KCNMA1: variants seen among roughly 807,000 people sequenced by gnomAD.
KCNMA1 encodes the protein Calcium-activated potassium channel subunit alpha-1.
A neutral mutation model predicts 140.0 loss-of-function variants in KCNMA1; 29 were observed. The ratio of observed to expected loss-of-function variants is 0.21; its 90% CI spans 0.15 to 0.28. The LOEUF is 0.28. Ranked by LOEUF, KCNMA1 falls within the 10% of genes least tolerant of loss-of-function variation. The pLI is 1.00. For synonymous variants in KCNMA1, 612 were observed against 611.9 expected, an observed-to-expected ratio of 1.00 and a Z score of 0.00; for missense variants, 880 against 1,602.2, an observed-to-expected ratio of 0.55 and a Z score of 7.70.
chr10:77,248,645 C>T (rs139954722), intron 3 of KCNMA1, among the ~76,000 whole-genome samples: 6 of 152,258 alleles, frequency 3.9e-5, no homozygotes, highest in Admixed American at 3.9e-4. Flanking sequence ...GAATGAAAGA[C>T]ATGGATTTTA....
intron 3 of KCNMA1, among the ~76,000 whole-genome samples, chr10:77,225,406 C>G (rs116179697): frequency 0.014 from 2,128 of 152,222 alleles, 46 homozygotes; most frequent in African/African-American, 0.048. Flanking sequence ...AAACATGACT[C>G]ATCTTTCTCC....
At chr10:77,402,208 A>G (rs572642185) in intron 2 of KCNMA1, among the ~76,000 whole-genome samples, 2 of 152,050 alleles carry the variant, frequency 1.3e-5, no homozygotes, top group East Asian at 3.9e-4. Context: ...TGCAGAATCC[A>G]CTCCTCTTCA....
chr10:77,268,514 T>C (rs1232468038), intron 2 of KCNMA1, among the ~76,000 whole-genome samples: 2 of 152,132 alleles, frequency 1.3e-5, no homozygotes, highest in East Asian at 1.9e-4. Flanking sequence ...TCTACTGTGA[T>C]TGAGTTACTG....
intron 1 of KCNMA1, among the ~76,000 whole-genome samples, chr10:77,485,415 C>G (rs1012387958): frequency 6.6e-6 from 1 of 152,180 alleles, no homozygotes; most frequent in African/African-American, 2.4e-5. Flanking sequence ...AATTTGGCAA[C>G]CACCCCCTGC....
chr10:77,632,347 T>G (rs908376793), intron 1 of KCNMA1, among the ~76,000 whole-genome samples: 10 of 152,232 alleles, frequency 6.6e-5, no homozygotes, highest in African/African-American at 2.4e-4. Context: ...GGGAGACAGG[T>G]CTATGAGTTC....
intron 5 of KCNMA1, among the ~76,000 whole-genome samples, chr10:77,134,478 TA>T (rs1225173003): frequency 1.3e-5 from 2 of 151,676 alleles, no homozygotes; most frequent in South Asian, 4.2e-4. Context: ...TTGGTTCAAA[TA>T]AAAAAAATGT....
intron 24 of KCNMA1, chr10:76,914,565 G>A: frequency 2.9e-6 from 1 of 348,768 alleles, no homozygotes; most frequent in Admixed American, 4.3e-5. Context: ...TGTAGGAGCT[G>A]TCCAGACAGA....
At chr10:77,548,346 A>G (rs1255917007) in intron 1 of KCNMA1, among the ~76,000 whole-genome samples, 1 of 152,230 alleles carries the variant, frequency 6.6e-6, no homozygotes, top group Non-Finnish European at 1.5e-5. Flanking sequence ...CCTAACGTGG[A>G]CAACGCCTGG....
intron 1 of KCNMA1, among the ~76,000 whole-genome samples, chr10:77,470,672 G>C (rs560032279): frequency 1.3e-5 from 2 of 152,186 alleles, no homozygotes; most frequent in Admixed American, 1.3e-4. Context: ...CATACTGAAC[G>C]AGTAATTTAA....
intron 25 of KCNMA1, among the ~76,000 whole-genome samples, chr10:76,893,644 G>C (rs1288374167): frequency 6.6e-6 from 1 of 152,164 alleles, no homozygotes; most frequent in African/African-American, 2.4e-5. Context: ...GGAGGCTGAG[G>C]CCAGAGAATT....
chr10:77,506,793 GA>G (rs1299323261), intron 1 of KCNMA1, among the ~76,000 whole-genome samples: 3 of 147,066 alleles, frequency 2.0e-5, no homozygotes, highest in Non-Finnish European at 3.0e-5. Context: ...TATGAAGAAA[GA>G]GAGAGAAAGA....
At chr10:77,246,336 G>A (rs2058539054) in intron 3 of KCNMA1, among the ~76,000 whole-genome samples, 2 of 152,206 alleles carry the variant, frequency 1.3e-5, no homozygotes, top group South Asian at 2.1e-4. Context: ...GAAGTTGTTA[G>A]GGGAATTCAA....
At chr10:77,485,539 T>A (rs933710309) in intron 1 of KCNMA1, among the ~76,000 whole-genome samples, 1 of 152,218 alleles carries the variant, frequency 6.6e-6, no homozygotes, top group Non-Finnish European at 1.5e-5. Context: ...CCTCCAAGAC[T>A]TGCCCAGCAC....
intron 2 of KCNMA1, among the ~76,000 whole-genome samples, chr10:77,349,892 C>T (rs1394068144): frequency 6.6e-6 from 1 of 151,454 alleles, no homozygotes; most frequent in Non-Finnish European, 1.5e-5. Flanking sequence ...TTTATATGCC[C>T]ATTTCTTCTT....
Position 76,992,167 on chromosome 10 carries a change from T to A in KCNMA1, c.2266+9240A>T, listed in dbSNP as rs149091643. ...AGGCTGGGGGAGTTTTTTCTTGCTG[T>A]TTCCCTTGAATATGAGAGATTAGCT... On this transcript the variant is annotated intron_variant, in intron 19 of 27. Transcript: ENST00000286628. 3.2e-4 allele frequency among the ~76,000 whole-genome samples: 49 copies of A among 152,274 alleles called. No individual in the cohort carries two copies. In the East Asian group the frequency reaches 5.0e-3, roughly 16 times the overall value.
At chr10:77,057,560 A>C (rs1714424800) in intron 14 of KCNMA1, among the ~76,000 whole-genome samples, 1 of 152,094 alleles carries the variant, frequency 6.6e-6, no homozygotes, top group African/African-American at 2.4e-5. Flanking sequence ...TGTCTGATAT[A>C]GTTTGCAACA....
intron 1 of KCNMA1, among the ~76,000 whole-genome samples, chr10:77,558,022 A>G (rs1172712891): frequency 6.6e-6 from 1 of 152,202 alleles, no homozygotes; most frequent in Non-Finnish European, 1.5e-5. Context: ...ATGCTACATA[A>G]TAACAATATG....
At chr10:77,636,792 A>T in intron 1 of KCNMA1, 1 of 1,453,600 alleles carries the variant, frequency 6.9e-7, no homozygotes, top group Non-Finnish European at 9.0e-7. Flanking sequence ...TGACCCCACG[A>T]ACTCATCTCC....
Position 77,179,470 on chromosome 10 carries a change from G to A in KCNMA1, c.808+3951C>T, listed in dbSNP as rs566259204. ...AACTGGAGGTGGGCAAGGAGGAGGG[G>A]GAAAGAGGAGCCAGGAGAACACGGA... is the stretch of plus-strand genomic sequence containing the variant. On this transcript the variant is annotated intron_variant, in intron 5 of 27. Transcript: ENST00000286628. Among the ~76,000 whole-genome samples the A allele has an allele frequency of 6.8e-4, 103 of 152,234 alleles. 1 individual carries two copies. The highest frequency in any genetic ancestry group is 2.4e-3 in the African/African-American group (99 of 41,538).
Sources: gnomAD v4.1 joint callset for allele counts (sites outside exome capture counted in the v4.1 genomes callset) on GRCh38, gnomAD v4.1.1 for gene constraint, MANE v1.5 for transcripts, NCBI Gene and HGNC (gene_info 2026-07-23, HGNC 2026-07-21) for gene names.